The following PARD3 variants were observed in gnomAD, a reference collection of about 807,000 sequenced individuals.
PARD3 encodes the protein partitioning defective 3 homolog.
Under a neutral mutation model 155.4 loss-of-function variants are expected in PARD3, and 75 were observed. The observed-to-expected ratio is 0.48, with a 90% CI of 0.40 to 0.58. The LOEUF (loss-of-function observed/expected upper bound fraction) is 0.58, where lower values mean the gene tolerates loss of function less well. PARD3 is among the 20% of genes least tolerant of loss of function. PARD3 has a pLI of 0.00. For missense variants in PARD3, 1,642 were observed against 1,721.7 expected, an observed-to-expected ratio of 0.95 and a Z score of 0.82; for synonymous variants, 576 against 610.5, an observed-to-expected ratio of 0.94 and a Z score of 0.83.
intron 5 of PARD3, among the ~76,000 whole-genome samples, chr10:34,447,853 C>T (rs879684426): frequency 4.0e-5 from 6 of 150,924 alleles, no homozygotes; most frequent in Admixed American, 1.3e-4. Context: ...AACAAGGATG[C>T]GAAGAGAAGG....
intron 2 of PARD3, among the ~76,000 whole-genome samples, chr10:34,678,057 T>C (rs1188080899): frequency 6.6e-6 from 1 of 151,432 alleles, no homozygotes; most frequent in East Asian, 1.9e-4. Flanking sequence ...GTTTTTTTAA[T>C]TTATTTATTT....
chr10:34,425,796 G>A (rs904303220), intron 5 of PARD3, among the ~76,000 whole-genome samples: 2 of 152,162 alleles, frequency 1.3e-5, no homozygotes, highest in African/African-American at 4.8e-5. Context: ...ACTCTTACTT[G>A]TGCTTCAAAG....
chr10:34,179,442 AG>A (rs756337251), intron 22 of PARD3, among the ~76,000 whole-genome samples: 19 of 152,238 alleles, frequency 1.2e-4, no homozygotes, highest in Non-Finnish European at 2.5e-4. Flanking sequence ...GTTTCAGTGG[AG>A]GAAAAGCACA....
At chr10:34,288,060 A>G (rs1431716079) in intron 20 of PARD3, among the ~76,000 whole-genome samples, 1 of 152,002 alleles carries the variant, frequency 6.6e-6, no homozygotes, top group Non-Finnish European at 1.5e-5. Flanking sequence ...ACAATACAAA[A>G]ATTAGCTGGG....
intron 3 of PARD3, among the ~76,000 whole-genome samples, chr10:34,512,484 T>C (rs1185621833): frequency 6.6e-6 from 1 of 152,212 alleles, no homozygotes; most frequent in East Asian, 1.9e-4. Flanking sequence ...TTTTCTGATA[T>C]GACAGGATGA....
At chr10:34,677,746 G>C (rs1243363062) in intron 2 of PARD3, among the ~76,000 whole-genome samples, 1 of 152,106 alleles carries the variant, frequency 6.6e-6, no homozygotes, top group Non-Finnish European at 1.5e-5. Context: ...CAGATACCAT[G>C]ACTAACTCTC....
At chr10:34,597,723 C>T (rs998177845) in intron 2 of PARD3, among the ~76,000 whole-genome samples, 7 of 152,210 alleles carry the variant, frequency 4.6e-5, no homozygotes, top group East Asian at 1.9e-4. Flanking sequence ...CTGGGGTACA[C>T]GTGGAGATCG....
chr10:34,631,299 G>A (rs1352234482), intron 2 of PARD3, among the ~76,000 whole-genome samples: 1 of 151,966 alleles, frequency 6.6e-6, no homozygotes. Flanking sequence ...AATCACATAC[G>A]GCCCGAAAAG....
intron 5 of PARD3, among the ~76,000 whole-genome samples, chr10:34,438,428 C>G (rs1326672897): frequency 6.6e-6 from 1 of 152,070 alleles, no homozygotes; most frequent in East Asian, 1.9e-4. Context: ...ATGTACATGT[C>G]TTCATCAAGT....
At chr10:34,450,797 C>G (rs2077016253) in intron 4 of PARD3, among the ~76,000 whole-genome samples, 1 of 152,190 alleles carries the variant, frequency 6.6e-6, no homozygotes, top group African/African-American at 2.4e-5. Context: ...CACTCTCTCT[C>G]AACTGTGGCA....
At chr10:34,809,908 T>G (rs11009952) in intron 1 of PARD3, among the ~76,000 whole-genome samples, 53,712 of 152,108 alleles carry the variant, frequency 0.35, 10,639 homozygotes, top group African/African-American at 0.55. Context: ...AGTACAACTA[T>G]TTTCTTAAAA....
rs993991940 is a variant in PARD3 at position 34,643,903 on chromosome 10, C to T, written c.222+52415G>A. Among the ~76,000 whole-genome samples the T allele has an allele frequency of 6.2e-4, 94 of 152,166 alleles. 1 individual carries two copies. Among genetic ancestry groups the T allele is most frequent in the African/African-American group, 2.1e-3 (88 of 41,510 alleles). On this transcript the variant is annotated intron_variant, in intron 2 of 24. Coordinates refer to ENST00000374788, the MANE Select transcript of PARD3 (RefSeq NM_001184785.2). ...CTGCACTCTACCCTGGGCAACAGAG[C>T]GAGACCCTGTCTCCAAGTAAACAAA... is the stretch of plus-strand genomic sequence containing the variant.
At chr10:34,117,410 T>A (rs1268513220) in intron 24 of PARD3, among the ~76,000 whole-genome samples, 1 of 150,678 alleles carries the variant, frequency 6.6e-6, no homozygotes, top group Non-Finnish European at 1.5e-5. Flanking sequence ...ACCCTTCCGA[T>A]GGAATGCAGC....
At chr10:34,252,554 T>G (rs1403567037) in intron 22 of PARD3, among the ~76,000 whole-genome samples, 2 of 152,088 alleles carry the variant, frequency 1.3e-5, no homozygotes. Flanking sequence ...TCTACAGTGA[T>G]CTGAAAGGGA....
intron 5 of PARD3, among the ~76,000 whole-genome samples, chr10:34,411,697 G>A (rs1190033132): frequency 6.6e-6 from 1 of 151,136 alleles, no homozygotes; most frequent in African/African-American, 2.4e-5. Flanking sequence ...TATAGTAAAT[G>A]TTATATGTGT....
intron 18 of PARD3, among the ~76,000 whole-genome samples, chr10:34,331,625 G>A (rs549128274): frequency 3.3e-5 from 5 of 152,028 alleles, no homozygotes; most frequent in Non-Finnish European, 7.4e-5. Flanking sequence ...TTGTCAAATC[G>A]TTTTGCTCCG....
chr10:34,745,146 G>A (rs993766777), intron 1 of PARD3, among the ~76,000 whole-genome samples: 1 of 152,196 alleles, frequency 6.6e-6, no homozygotes, highest in African/African-American at 2.4e-5. Flanking sequence ...AGGATCACTT[G>A]AGGCCAGGAG....
At chr10:34,235,696 C>A (rs1953188278) in intron 22 of PARD3, among the ~76,000 whole-genome samples, 1 of 152,120 alleles carries the variant, frequency 6.6e-6, no homozygotes, top group South Asian at 2.1e-4. Context: ...CTAATGATAT[C>A]CACTTGTGGT....
At chr10:34,464,704 C>T (rs1589672291) in intron 4 of PARD3, among the ~76,000 whole-genome samples, 1 of 152,142 alleles carries the variant, frequency 6.6e-6, no homozygotes, top group African/African-American at 2.4e-5. Context: ...ATTATGTAAA[C>T]TATCCATATT....
Sources: gnomAD v4.1 joint callset for allele counts (sites outside exome capture counted in the v4.1 genomes callset) on GRCh38, gnomAD v4.1.1 for gene constraint, MANE v1.5 for transcripts, NCBI Gene and HGNC (gene_info 2026-07-23, HGNC 2026-07-21) for gene names.